Variants in FMN2 observed in about 807,000 individuals in gnomAD.
FMN2 encodes the protein formin 2.
Under a neutral mutation model 142.3 loss-of-function variants are expected in FMN2, and 51 were observed. The observed-to-expected ratio is 0.36, with a 90% CI of 0.29 to 0.45. FMN2 has a LOEUF of 0.45. Among genes scored for constraint, FMN2 ranks in the 20% least tolerant of loss-of-function variants. The pLI is 1.00. For missense variants in FMN2, 1,936 were observed against 2,122.8 expected (o/e 0.91, Z 1.73); for synonymous variants, 882 against 869.8 (o/e 1.01, Z -0.25).
At chr1:240,290,008 G>A (rs1669722703) in intron 7 of FMN2, among the ~76,000 whole-genome samples, 1 of 152,210 alleles carries the variant, frequency 6.6e-6, no homozygotes, top group South Asian at 2.1e-4. Flanking sequence ...GGCAGCCACG[G>A]AGGAGAACAC....
intron 16 of FMN2, among the ~76,000 whole-genome samples, chr1:240,455,271 C>A (rs1164792240): frequency 1.3e-5 from 1 of 79,272 alleles, no homozygotes; most frequent in African/African-American, 4.0e-5. Context: ...TGTGGTGGCT[C>A]ACCGGGGCAG....
intron 1 of FMN2, among the ~76,000 whole-genome samples, chr1:240,104,001 C>T (rs555418093): frequency 2.6e-5 from 4 of 151,672 alleles, no homozygotes; most frequent in Non-Finnish European, 5.9e-5. Flanking sequence ...CTCAGCCTCC[C>T]GAGTAGCTGG....
chr1:240,377,942 G>A (rs1673100312), intron 14 of FMN2, among the ~76,000 whole-genome samples: 1 of 151,464 alleles, frequency 6.6e-6, no homozygotes, highest in Admixed American at 6.6e-5. Context: ...ATTTTTAGAG[G>A]GCCATTATTC....
intron 8 of FMN2, among the ~76,000 whole-genome samples, chr1:240,325,110 T>C (rs981390598): frequency 6.6e-6 from 1 of 152,022 alleles, no homozygotes; most frequent in Non-Finnish European, 1.5e-5. Context: ...GGATTCATAC[T>C]GTATATCTAG....
intron 16 of FMN2, among the ~76,000 whole-genome samples, chr1:240,450,141 A>G (rs140964793): frequency 5.6e-4 from 86 of 152,256 alleles, no homozygotes; most frequent in African/African-American, 1.8e-3. Context: ...TGATTTTGCA[A>G]TTTTTAAGAG....
At chr1:240,245,973 G>C (rs185699333) in intron 6 of FMN2, among the ~76,000 whole-genome samples, 6 of 151,862 alleles carry the variant, frequency 4.0e-5, no homozygotes, top group African/African-American at 1.5e-4. Context: ...GAGGTCAGGG[G>C]ATCGAGACCA....
intron 16 of FMN2, among the ~76,000 whole-genome samples, chr1:240,468,185 C>T (rs537835977): frequency 6.9e-6 from 1 of 144,904 alleles, no homozygotes; most frequent in Non-Finnish European, 1.5e-5. Flanking sequence ...TGTGTGAATG[C>T]ATCCACTAAA....
At chr1:240,395,106 T>C (rs919450938) in intron 15 of FMN2, among the ~76,000 whole-genome samples, 7 of 152,112 alleles carry the variant, frequency 4.6e-5, no homozygotes, top group African/African-American at 1.7e-4. Context: ...CTAGGGCCCA[T>C]AGGAATTATG....
intron 7 of FMN2, among the ~76,000 whole-genome samples, chr1:240,281,654 T>A (rs910923707): frequency 6.6e-6 from 1 of 152,216 alleles, no homozygotes; most frequent in African/African-American, 2.4e-5. Flanking sequence ...CATTTTTGTC[T>A]TACAGTTTTT....
chr1:240,311,258 G>A (rs1670595019), intron 8 of FMN2, among the ~76,000 whole-genome samples: 1 of 152,138 alleles, frequency 6.6e-6, no homozygotes, highest in East Asian at 1.9e-4. Flanking sequence ...CATGCCACAT[G>A]ATACAGCATC....
intron 4 of FMN2, among the ~76,000 whole-genome samples, chr1:240,205,891 CTTTTTTTTTTTT>C (rs57803350): frequency 8.3e-6 from 1 of 120,580 alleles, no homozygotes; most frequent in Non-Finnish European, 1.7e-5. Flanking sequence ...TATCAGCCAT[CTTTTTTTTTTTT>C]TTTTTTTTTT....
chr1:240,391,940 G>C (rs1673618160), intron 14 of FMN2, among the ~76,000 whole-genome samples: 1 of 152,052 alleles, frequency 6.6e-6, no homozygotes, highest in Non-Finnish European at 1.5e-5. Flanking sequence ...GTTTGTAGCA[G>C]ATCACAATTC....
chr1:240,429,397 A>T (rs1196713671), intron 15 of FMN2, among the ~76,000 whole-genome samples: 1 of 151,952 alleles, frequency 6.6e-6, no homozygotes, highest in African/African-American at 2.4e-5. Flanking sequence ...CCGTCTTTTC[A>T]TCTCCTTATT....
chr1:240,359,707 G>A (rs1158720541), intron 14 of FMN2, among the ~76,000 whole-genome samples: 2 of 152,182 alleles, frequency 1.3e-5, no homozygotes, highest in Non-Finnish European at 2.9e-5. Flanking sequence ...TAGCCCTACT[G>A]TCATAAGGCA....
intron 6 of FMN2, among the ~76,000 whole-genome samples, chr1:240,251,920 T>A (rs953289629): frequency 5.9e-5 from 9 of 152,228 alleles, no homozygotes; most frequent in African/African-American, 2.2e-4. Context: ...TTTATTTATT[T>A]ATTTTTGAGA....
intron 1 of FMN2, among the ~76,000 whole-genome samples, chr1:240,117,768 C>T (rs894742944): frequency 6.6e-6 from 1 of 152,112 alleles, no homozygotes; most frequent in African/African-American, 2.4e-5. Context: ...TTGATTATCC[C>T]GTCTTTGCCA....
At chr1:240,301,587 AT>A (rs530476630) in intron 8 of FMN2, among the ~76,000 whole-genome samples, 2 of 151,372 alleles carry the variant, frequency 1.3e-5, no homozygotes, top group Non-Finnish European at 3.0e-5. Flanking sequence ...TCATCTTAGA[AT>A]TTTTTTTATC....
chr1:240,397,373 A>G (rs148471783), intron 15 of FMN2, among the ~76,000 whole-genome samples: 1 of 152,130 alleles, frequency 6.6e-6, no homozygotes, highest in Admixed American at 6.6e-5. Flanking sequence ...TAGAGACAGA[A>G]TTCTTTCATA....
In FMN2 at chr1:240,358,444, G is replaced by A. The variant is rs145080211; in HGVS notation, c.4858+2536G>A. ...ACATGTAGGGAAACAGTGGAGTTCC[G>A]AATATGTTTCCTGTTCTAGTCCATT... On this transcript the variant is annotated intron_variant, in intron 14 of 17. Coordinates refer to ENST00000319653, the MANE Select transcript of FMN2 (RefSeq NM_020066.5). Among the ~76,000 whole-genome samples, 617 of 152,256 alleles carry A rather than the reference G, an allele frequency of 4.1e-3. 5 individuals carry two copies. Among genetic ancestry groups the A allele is most frequent in the African/African-American group, 0.014 (578 of 41,552 alleles).
Sources: gnomAD v4.1 joint callset for allele counts (sites outside exome capture counted in the v4.1 genomes callset) on GRCh38, gnomAD v4.1.1 for gene constraint, MANE v1.5 for transcripts, NCBI Gene and HGNC (gene_info 2026-07-23, HGNC 2026-07-21) for gene names.